The following CYP7B1 variants were observed in gnomAD, a reference collection of about 807,000 sequenced individuals.
CYP7B1 encodes cytochrome P450 family 7 subfamily B member 1.
A neutral mutation model predicts 42.7 loss-of-function variants in CYP7B1; 29 were observed. The observed-to-expected ratio is 0.68, with a 90% CI of 0.51 to 0.93. The LOEUF (loss-of-function observed/expected upper bound fraction) is 0.93. Ranked by LOEUF, CYP7B1 falls within the 40% of genes least tolerant of loss-of-function variation. The pLI is 0.00. For missense variants in CYP7B1, 655 were observed against 600.5 expected (o/e 1.09, Z -0.95); for synonymous variants, 235 against 218.2 (o/e 1.08, Z -0.68).
At chr8:64,753,502 C>T (rs1183108205) in intron 1 of CYP7B1, among the ~76,000 whole-genome samples, 1 of 152,204 alleles carries the variant, frequency 6.6e-6, no homozygotes, top group Admixed American at 6.5e-5. Context: ...AAGCAAACCA[C>T]TCTGCAGAGA....
intron 1 of CYP7B1, among the ~76,000 whole-genome samples, chr8:64,790,435 G>A (rs538443947): frequency 1.3e-5 from 2 of 152,192 alleles, no homozygotes; most frequent in African/African-American, 4.8e-5. Flanking sequence ...TCTGTGGTGT[G>A]AGTGTCCAGT....
intron 1 of CYP7B1, among the ~76,000 whole-genome samples, chr8:64,765,232 G>C (rs944473822): frequency 6.6e-6 from 1 of 152,118 alleles, no homozygotes; most frequent in Non-Finnish European, 1.5e-5. Flanking sequence ...CAAAAGTAAA[G>C]TTTGCTAAAA....
chr8:64,663,006 A>G (rs935894813), intron 1 of CYP7B1, among the ~76,000 whole-genome samples: 1 of 152,126 alleles, frequency 6.6e-6, no homozygotes, highest in African/African-American at 2.4e-5. Context: ...AACACAGGCC[A>G]TTTCACAAAG....
At chr8:64,610,313 T>G (rs946550723) in intron 4 of CYP7B1, among the ~76,000 whole-genome samples, 2 of 152,164 alleles carry the variant, frequency 1.3e-5, no homozygotes, top group African/African-American at 4.8e-5. Context: ...TTTACATCCC[T>G]GAGTTTCTGA....
Position 64,616,027 on chromosome 8 carries a change from T to C in CYP7B1, c.514A>G (p.Thr172Ala). 6.2e-7 allele frequency: 1 copy of C among 1,613,712 alleles called. No individual in the cohort carries two copies. The highest frequency in any genetic ancestry group is 8.5e-7 in the Non-Finnish European group (1 of 1,179,814). Residue 172 changes from threonine to alanine, a missense_variant, in exon 3 of 6, where the codon ACC becomes GCC. Thr to Ala is a moderately conservative substitution (Grantham distance 58). Transcript: ENST00000310193. ...AGTTCTGCCGTGTCCCAACTTGTGGTTTTTAACAGCTGGGGTTCAAAAACT... is the reference window on the plus strand; with the variant it reads ...AGTTCTGCCGTGTCCCAACTTGTGGCTTTTAACAGCTGGGGTTCAAAAACT... ...KQVFEPQLLK[T>A]TSWDTAELYP...
chr8:64,670,662 A>T (rs541862908), intron 1 of CYP7B1, among the ~76,000 whole-genome samples: 54 of 152,326 alleles, frequency 3.5e-4, no homozygotes, highest in African/African-American at 1.3e-3. Flanking sequence ...GCTCATTGTC[A>T]TTGTCACCTG....
rs1490333714 is a variant in CYP7B1 at position 64,593,888 on chromosome 8, C to T, written c.*2754G>A. Among the ~76,000 whole-genome samples, 1 of 151,940 alleles carries T rather than the reference C, an allele frequency of 6.6e-6. No homozygotes were observed. Among genetic ancestry groups the T allele is most frequent in the Non-Finnish European group, 1.5e-5 (1 of 67,992 alleles). ...AAAAATAAGCAGCATATATGAAGAA[C>T]AAAAGGGAATCGTAAAACTGAAAAA... is the stretch of plus-strand genomic sequence containing the variant. On this transcript the variant is annotated 3_prime_UTR_variant, in exon 6 of 6. Transcript: ENST00000310193.
At chr8:64,708,345 G>A (rs1242033351) in intron 1 of CYP7B1, among the ~76,000 whole-genome samples, 2 of 152,064 alleles carry the variant, frequency 1.3e-5, no homozygotes, top group African/African-American at 2.4e-5. Context: ...TACTCAGCAC[G>A]ACATCTTTAT....
chr8:64,687,881 T>C (rs992108806), intron 1 of CYP7B1, among the ~76,000 whole-genome samples: 1 of 152,196 alleles, frequency 6.6e-6, no homozygotes. Context: ...TTTCTCTAGA[T>C]ATTATATTTC....
At chr8:64,779,537 A>C (rs557322976) in intron 1 of CYP7B1, among the ~76,000 whole-genome samples, 2 of 152,264 alleles carry the variant, frequency 1.3e-5, no homozygotes, top group East Asian at 3.9e-4. Flanking sequence ...ATTCCTTTAC[A>C]TTCTAGCCCT....
intron 1 of CYP7B1, among the ~76,000 whole-genome samples, chr8:64,685,843 G>A (rs1278779798): frequency 2.2e-5 from 1 of 45,980 alleles, no homozygotes; most frequent in African/African-American, 7.5e-5. Flanking sequence ...CAGCTCCCCC[G>A]CCCGGCCAGC....
intron 1 of CYP7B1, among the ~76,000 whole-genome samples, chr8:64,730,306 G>C (rs927376962): frequency 6.6e-6 from 1 of 151,944 alleles, no homozygotes; most frequent in African/African-American, 2.4e-5. Flanking sequence ...CTGACCTCAA[G>C]TGATCCACCC....
At position 64,708,673 on chromosome 8, in the gene CYP7B1, G is replaced by C. The variant is rs865867711; in HGVS notation, c.123-84134C>G. Among the ~76,000 whole-genome samples, 7 of 152,088 alleles carry C rather than the reference G, an allele frequency of 4.6e-5. No individual in the cohort carries two copies. The South Asian group carries it at 8.3e-4, about 18-fold the overall frequency. ...TATTGCTTTTCTGAATTAATGTTTT[G>C]TTAGAAATTAATAATTTTTTGAAAT... On this transcript the variant is annotated intron_variant, in intron 1 of 5. Coordinates refer to ENST00000310193, the MANE Select transcript of CYP7B1 (RefSeq NM_004820.5).
rs1421595687 is a variant in CYP7B1, at chr8:64,592,048, CATAGTGGT to C, written c.*4586_*4593del. On this transcript the variant is annotated 3_prime_UTR_variant, in exon 6 of 6. Coordinates refer to ENST00000310193, the MANE Select transcript of CYP7B1 (RefSeq NM_004820.5). ...ACTAAAAATACAAAAGTTGGTCAGG[CATAGTGGT>C]GGGTGCCTGTAGTCCCAGCTACTCG... is the stretch of plus-strand genomic sequence containing the variant. 6.6e-6 allele frequency among the ~76,000 whole-genome samples: 1 copy of C among 151,806 alleles called. No homozygotes were observed. The highest frequency in any genetic ancestry group is 1.9e-4 in the East Asian group (1 of 5,160).
intron 1 of CYP7B1, among the ~76,000 whole-genome samples, chr8:64,668,381 T>C (rs1806314912): frequency 6.6e-6 from 1 of 152,172 alleles, no homozygotes; most frequent in Non-Finnish European, 1.5e-5. Context: ...CATCTCTGAA[T>C]ATGAAGGACC....
At chr8:64,665,593 T>TTTTTA (rs1806265376) in intron 1 of CYP7B1, among the ~76,000 whole-genome samples, 1 of 68,242 alleles carries the variant, frequency 1.5e-5, no homozygotes, top group Non-Finnish European at 2.7e-5. Flanking sequence ...TTTTTTTTTT[T>TTTTTA]GAGACGGAGT....
At chr8:64,756,825 G>A (rs528495691) in intron 1 of CYP7B1, among the ~76,000 whole-genome samples, 1 of 152,030 alleles carries the variant, frequency 6.6e-6, no homozygotes, top group African/African-American at 2.4e-5. Flanking sequence ...GTTTCTGATC[G>A]CCAGAGAAAA....
intron 1 of CYP7B1, among the ~76,000 whole-genome samples, chr8:64,776,006 G>A (rs534331713): frequency 4.6e-5 from 7 of 152,220 alleles, no homozygotes; most frequent in African/African-American, 1.7e-4. Flanking sequence ...TGCTGTGGGT[G>A]CTCCATTAAT....
intron 1 of CYP7B1, among the ~76,000 whole-genome samples, chr8:64,678,881 CTGTGTG>C (rs56067911): frequency 2.7e-5 from 4 of 147,630 alleles, no homozygotes; most frequent in African/African-American, 5.0e-5. Context: ...AACATCAATG[CTGTGTG>C]TGTGTGTGTG....
Sources: gnomAD v4.1 joint callset for allele counts (sites outside exome capture counted in the v4.1 genomes callset) on GRCh38, gnomAD v4.1.1 for gene constraint, MANE v1.5 for transcripts, NCBI Gene and HGNC (gene_info 2026-07-23, HGNC 2026-07-21) for gene names.